HTR3E: variants seen among roughly 807,000 people sequenced by gnomAD.
The protein encoded by HTR3E is 5-hydroxytryptamine (serotonin) receptor 3, family member E.
Under a neutral mutation model 38.0 loss-of-function variants are expected in HTR3E, and 38 were observed. That is an observed-to-expected ratio of 1.00 (90% CI 0.77 to 1.31). The LOEUF is 1.31. Among genes scored for constraint, HTR3E ranks in the 50% most tolerant of loss-of-function variants. HTR3E has a pLI of 0.00. For synonymous variants in HTR3E, 210 were observed against 232.9 expected (o/e 0.90, Z 0.89); for missense variants, 547 against 585.2 (o/e 0.93, Z 0.67).
At position 184,104,289 on chromosome 3, in the gene HTR3E, A is replaced by G. The variant is rs1306757686; in HGVS notation, c.387A>G (p.Glu129=). 1 of 1,609,792 alleles carries G rather than the reference A, an allele frequency of 6.2e-7. No homozygotes were observed. The highest frequency in any genetic ancestry group is 8.5e-7 in the Non-Finnish European group (1 of 1,178,006). The change falls in exon 4 of 9, where the codon GAA becomes GAG. Residue 129 remains glutamate (E), a splice_region_variant and synonymous_variant. Transcript: ENST00000415389. ...NLWLPDIFII[E]LMDVDKTPKG... is the part of the protein sequence containing the mutation. ...GGCTCCCAGACATTTTCATCATTGA[A>G]CTGTGCGTATCAAGGGCTGGTCAGA...
At position 184,105,260 on chromosome 3, in the gene HTR3E, T is replaced by C. The variant is rs1014607390; in HGVS notation, c.560-7T>C. The C allele has an allele frequency of 6.2e-7, 1 of 1,600,628 alleles. No homozygotes were observed. Among genetic ancestry groups the C allele is most frequent in the Non-Finnish European group, 8.5e-7 (1 of 1,174,814 alleles). ...TGAAAAATGATTCAGATGGTTCTCA[T>C]TTTCAGTGGACAGCATGTTGCTGGA... On this transcript the variant is annotated splice_region_variant and splice_polypyrimidine_tract_variant and intron_variant, in intron 5 of 8. Coordinates refer to ENST00000415389, the MANE Select transcript of HTR3E (RefSeq NM_001256613.2).
At chr3:184,102,060 T>C (rs1712082203) in intron 3 of HTR3E, among the ~76,000 whole-genome samples, 2 of 152,166 alleles carry the variant, frequency 1.3e-5, no homozygotes, top group African/African-American at 4.8e-5. Context: ...CACAGCACAA[T>C]TAAGAAGCTT....
At chr3:184,103,422 G>A (rs1712186324) in intron 3 of HTR3E, among the ~76,000 whole-genome samples, 4 of 152,126 alleles carry the variant, frequency 2.6e-5, no homozygotes. Flanking sequence ...GAGGTCAGGA[G>A]ATCAAGACCA....
At chr3:184,101,579 T>C (rs1712048315) in intron 3 of HTR3E, 50 bp downstream of exon 3, 2 of 1,408,718 alleles carry the variant, frequency 1.4e-6, no homozygotes, top group Non-Finnish European at 2.0e-6. Context: ...AAAAAGGATT[T>C]TAAACGAAGA....
chr3:184,100,708 G>A, intron 2 of HTR3E, 57 bp downstream of exon 2: 5 of 1,572,020 alleles, frequency 3.2e-6, no homozygotes, highest in Middle Eastern at 1.7e-4. Flanking sequence ...CCAGCCCCTG[G>A]CAAAGTGGCC....
In HTR3E at chr3:184,106,799, C is replaced by G; in HGVS notation, c.*106C>G. 4 of 1,125,788 alleles carry G rather than the reference C, an allele frequency of 3.6e-6. No homozygotes were observed. Among genetic ancestry groups the G allele is most frequent in the Non-Finnish European group, 2.6e-6 (2 of 769,362 alleles). The allele number at this position is 1,125,788 out of a possible 1,614,324, so 69.7% of individuals were successfully genotyped here. ...CCAACTATCATATCCCCAAAGATGA[C>G]TGAGTCTCTGCTGTATTCCATGTAT... On this transcript the variant is annotated 3_prime_UTR_variant, in exon 9 of 9. Coordinates refer to ENST00000415389, the MANE Select transcript of HTR3E (RefSeq NM_001256613.2). The surrounding 1 kb of genome is among the most constrained non-coding windows in gnomAD (Gnocchi z 4.1).
At chr3:184,104,408 A>C (rs1202512846) in intron 4 of HTR3E, 117 bp downstream of exon 4, 2 of 1,464,784 alleles carry the variant, frequency 1.4e-6, no homozygotes, top group Non-Finnish European at 1.8e-6. Context: ...AACCAGAGAG[A>C]TAAGAAGAGA....
rs1048692688 is a variant in HTR3E, at chr3:184,097,650, T to C, written c.67+54T>C. ...CGGAAGAAGGAGGACCTCTCTCTAG[T>C]AGAACATCTAGGAACTTTTTTCAAA... On this transcript the variant is annotated intron_variant, in intron 1 of 8. Transcript: ENST00000415389. The C allele has an allele frequency of 2.8e-4, 387 of 1,367,154 alleles. 3 individuals are homozygous for C. Among genetic ancestry groups the C allele is most frequent in the Non-Finnish European group, 5.4e-5 (54 of 994,732 alleles). The allele number at this position is 1,367,154 out of a possible 1,614,324, so 84.7% of individuals were successfully genotyped here.
chr3:184,104,235 G>A lies in HTR3E; in HGVS notation c.333G>A (p.Thr111=), dbSNP rs764285833. 33 of 1,613,166 alleles carry A rather than the reference G, an allele frequency of 2.0e-5. No individual in the cohort carries two copies. The highest frequency in any genetic ancestry group is 4.4e-5 in the South Asian group (4 of 90,974). ...SWNPEECEGI[T]KMSMAAKNLW... is the part of the protein sequence containing the mutation. ...ACCCAGAGGAATGTGAGGGCATCAC[G>A]AAGATGAGTATGGCAGCCAAGAACC... Residue 111 remains threonine, a synonymous_variant, in exon 4 of 9, where the codon ACG becomes ACA. Coordinates refer to ENST00000415389, the MANE Select transcript of HTR3E (RefSeq NM_001256613.2).
chr3:184,099,329 C>A (rs1005899415), intron 1 of HTR3E, among the ~76,000 whole-genome samples: 19 of 150,810 alleles, frequency 1.3e-4, no homozygotes, highest in Non-Finnish European at 7.4e-5. Flanking sequence ...AGCCCAGAGG[C>A]TGAGGCCAAG....
In HTR3E at chr3:184,106,293, C is replaced by T. The variant is rs141615038; in HGVS notation, c.1091C>T (p.Ala364Val). ...CNSPGRCCPT[A>V]PQKENKGPGL... is the part of the protein sequence containing the mutation. ...AGCCCGGGGAGATGCTGTCCCACTG[C>T]GCCCCAGAAGGAAAATAAGGGCCCG... Residue 364 changes from alanine to valine, a missense_variant, in exon 8 of 9, where the codon GCG becomes GTG. Coordinates refer to ENST00000415389, the MANE Select transcript of HTR3E (RefSeq NM_001256613.2). This position sits in a 1 kb window ranked among gnomAD's most constrained non-coding sequence, Gnocchi z 4.1. 8.0e-4 allele frequency: 1,284 copies of T among 1,613,410 alleles called. 16 individuals are homozygous for T. In the South Asian group the frequency reaches 0.012, roughly 15 times the overall value.
chr3:184,097,523 A>G lies in HTR3E; in HGVS notation c.-7A>G, dbSNP rs781777433. On this transcript the variant is annotated 5_prime_UTR_variant, in exon 1 of 9. Coordinates refer to ENST00000415389, the MANE Select transcript of HTR3E (RefSeq NM_001256613.2). ...TACATGTTCAGAGAAGAACTTAGAC[A>G]AAGAAGATGGAAGGAAGCTGGTTCC... 26 of 1,535,150 alleles carry G rather than the reference A, an allele frequency of 1.7e-5. No individual in the cohort carries two copies. Among genetic ancestry groups the G allele is most frequent in the Non-Finnish European group, 2.3e-5 (26 of 1,146,166 alleles).
At chr3:184,100,463 A>G (rs764869677) in intron 1 of HTR3E, 22 bp from the exon 2 acceptor site, 15 of 1,613,896 alleles carry the variant, frequency 9.3e-6, no homozygotes, top group Non-Finnish European at 1.2e-5. Flanking sequence ...CCTTCATCTC[A>G]CACATTCGAT....
intron 1 of HTR3E, among the ~76,000 whole-genome samples, chr3:184,099,296 G>A (rs1413669287): frequency 5.9e-5 from 9 of 151,328 alleles, no homozygotes; most frequent in Non-Finnish European, 2.9e-5. Context: ...TTACTTGGGA[G>A]GCTGAGGTGG....
chr3:184,104,447 T>A, intron 4 of HTR3E, 156 bp downstream of exon 4: 2 of 1,229,332 alleles, frequency 1.6e-6, no homozygotes, highest in Non-Finnish European at 1.1e-6. Flanking sequence ...GGCTAATGCC[T>A]GTAATCCCAG....
intron 2 of HTR3E, 35 bp downstream of exon 2, chr3:184,100,686 C>A: frequency 6.3e-7 from 1 of 1,594,192 alleles, no homozygotes; most frequent in Non-Finnish European, 8.6e-7. Context: ...CCTTGGTGTC[C>A]TTAACCTTTT....
chr3:184,097,492 T>TCC lies in HTR3E; in HGVS notation c.-36_-35dup, dbSNP rs1488711946. 6.8e-7 allele frequency: 1 copy of TCC among 1,474,780 alleles called. No homozygotes were observed. Among genetic ancestry groups the TCC allele is most frequent in the Admixed American group, 2.0e-5 (1 of 50,910 alleles). The allele number at this position is 1,474,780 out of a possible 1,614,324, so 91.4% of individuals were successfully genotyped here. A position where few individuals can be genotyped will look rare whatever the true frequency, so the allele number is the denominator to read the frequency against. ...CTGCTTTAATCTGGGCATTCCTGGGTCCCAGTACATGTTCAGAGAAGAACT... is the reference window on the plus strand; with the variant it reads ...CTGCTTTAATCTGGGCATTCCTGGGTCCCCCAGTACATGTTCAGAGAAGAACT... On this transcript the variant is annotated 5_prime_UTR_variant, in exon 1 of 9. Coordinates refer to ENST00000415389, the MANE Select transcript of HTR3E (RefSeq NM_001256613.2).
intron 3 of HTR3E, among the ~76,000 whole-genome samples, chr3:184,103,403 G>A (rs1382233972): frequency 2.0e-5 from 3 of 152,122 alleles, no homozygotes; most frequent in African/African-American, 7.2e-5. Context: ...GCCGAGGCGG[G>A]TGGATCATGA....
chr3:184,100,061 C>T (rs1711923424), intron 1 of HTR3E: 29 of 1,134,628 alleles, frequency 2.6e-5, no homozygotes, highest in Non-Finnish European at 3.1e-5. Context: ...TCACCCCATC[C>T]TCCCGGGCCT....
Sources: gnomAD v4.1 joint callset for allele counts (sites outside exome capture counted in the v4.1 genomes callset) on GRCh38, gnomAD v4.1.1 for gene constraint, Gnocchi (gnomAD v3.1) non-coding constraint, MANE v1.5 for transcripts, NCBI Gene and HGNC (gene_info 2026-07-23, HGNC 2026-07-21) for gene names.